UBAP2L: variants seen among roughly 807,000 people sequenced by gnomAD.
The protein encoded by UBAP2L is ubiquitin-associated protein 2-like.
In UBAP2L, 12 loss-of-function variants were observed where a neutral mutation model predicts 130.6. That is an observed-to-expected ratio of 0.09 (90% CI 0.06 to 0.15). UBAP2L has a LOEUF of 0.15. Among genes scored for constraint, UBAP2L ranks in the 10% least tolerant of loss-of-function variants. The pLI is 1.00. For missense variants in UBAP2L, 965 were observed against 1,332.5 expected, an observed-to-expected ratio of 0.72 and a Z score of 4.29; for synonymous variants, 503 against 524.7, an observed-to-expected ratio of 0.96 and a Z score of 0.57.
intron 18 of UBAP2L, among the ~76,000 whole-genome samples, chr1:154,256,204 T>A (rs1279132730): frequency 6.6e-6 from 1 of 152,218 alleles, no homozygotes; most frequent in African/African-American, 2.4e-5. Context: ...TTGTAACAAC[T>A]ATTAATAGAA....
At chr1:154,265,542 A>G (rs1368000974) in intron 24 of UBAP2L, among the ~76,000 whole-genome samples, 1 of 152,226 alleles carries the variant, frequency 6.6e-6, no homozygotes, top group Admixed American at 6.5e-5. Context: ...AAAGTATAAA[A>G]GATGTTAGGT....
intron 25 of UBAP2L, among the ~76,000 whole-genome samples, chr1:154,267,144 CCAA>C (rs1358223119): frequency 6.7e-6 from 1 of 150,216 alleles, no homozygotes; most frequent in Non-Finnish European, 1.5e-5. Flanking sequence ...TTTGAAATAT[CCAA>C]CGAGTTTTTT....
chr1:154,242,926 T>G, intron 9 of UBAP2L: 1 of 190,332 alleles, frequency 5.3e-6, no homozygotes, highest in Non-Finnish European at 1.1e-5. Flanking sequence ...GGATTTTCTT[T>G]CTTTTATTTT....
At chr1:154,266,705 A>C (rs971764446) in intron 25 of UBAP2L, 137 bp downstream of exon 25, 1 of 899,146 alleles carries the variant, frequency 1.1e-6, no homozygotes, top group Non-Finnish European at 1.8e-6. Flanking sequence ...TCTAAATGAA[A>C]GGTCTTCTCT....
intron 8 of UBAP2L, 117 bp from the exon 9 acceptor site, chr1:154,241,396 A>G: frequency 1.1e-6 from 1 of 922,854 alleles, no homozygotes; most frequent in Non-Finnish European, 1.7e-6. Flanking sequence ...CCTTCTGATT[A>G]CTAAATTTTA....
chr1:154,267,713 C>T (rs1014550450), intron 25 of UBAP2L, among the ~76,000 whole-genome samples: 4 of 151,472 alleles, frequency 2.6e-5, no homozygotes, highest in African/African-American at 4.8e-5. Flanking sequence ...AGGCTCGTCT[C>T]GAACTCCTGG....
chr1:154,241,980 G>A (rs537835367), intron 9 of UBAP2L, among the ~76,000 whole-genome samples: 23 of 152,322 alleles, frequency 1.5e-4, no homozygotes, highest in African/African-American at 5.5e-4. Flanking sequence ...TCCAAAGCGA[G>A]TGTTGTGGTA....
intron 14 of UBAP2L, 76 bp downstream of exon 14, chr1:154,251,729 C>T: frequency 6.4e-7 from 1 of 1,555,624 alleles, no homozygotes. Context: ...ATTTCTAGAA[C>T]TCTGGAGAGG....
chr1:154,225,752 C>T (rs1055647102), intron 2 of UBAP2L, among the ~76,000 whole-genome samples: 5 of 152,136 alleles, frequency 3.3e-5, no homozygotes, highest in Admixed American at 1.3e-4. Flanking sequence ...ATAGCATTTC[C>T]CTTCTCTTAC....
At chr1:154,235,522 T>C (rs1671370794) in intron 6 of UBAP2L, among the ~76,000 whole-genome samples, 1 of 152,022 alleles carries the variant, frequency 6.6e-6, no homozygotes, top group African/African-American at 2.4e-5. Context: ...CTGGCTAATT[T>C]TTTTTGAGAT....
intron 24 of UBAP2L, among the ~76,000 whole-genome samples, chr1:154,264,776 A>G (rs752330391): frequency 8.6e-5 from 13 of 151,804 alleles, no homozygotes; most frequent in Non-Finnish European, 8.8e-5. Context: ...TTGCCTTTGC[A>G]GTAAAGATAA....
At position 154,255,116 on chromosome 1, in the gene UBAP2L, T is replaced by C. The variant is rs777389440; in HGVS notation, c.1910-36T>C. ...ACCTCTCTATAGACATTCCCTTTTT[T>C]CTGATGAGAGGAATTCCTTTCTTCT... On this transcript the variant is annotated intron_variant, in intron 16 of 26. Coordinates refer to ENST00000428931, the MANE Select transcript of UBAP2L (RefSeq NM_014847.4). 8.8e-5 allele frequency: 141 copies of C among 1,608,748 alleles called. 1 individual carries two copies. Among genetic ancestry groups the C allele is most frequent in the Middle Eastern group, 3.3e-4 (2 of 6,064 alleles).
intron 24 of UBAP2L, among the ~76,000 whole-genome samples, chr1:154,264,050 T>C (rs1306221526): frequency 1.3e-5 from 2 of 152,162 alleles, no homozygotes; most frequent in East Asian, 3.8e-4. Flanking sequence ...CAGTTTTGCA[T>C]TTGTGGGTAT....
At chr1:154,263,491 AT>A (rs1682271915) in intron 24 of UBAP2L, 1 of 1,086,220 alleles carries the variant, frequency 9.2e-7, no homozygotes, top group African/African-American at 1.7e-5. Context: ...AAACTGTGGT[AT>A]TTCTTTAGCT....
chr1:154,254,734 C>T (rs1439612855), intron 15 of UBAP2L, 102 bp from the exon 16 acceptor site: 2 of 1,271,846 alleles, frequency 1.6e-6, no homozygotes, highest in African/African-American at 1.5e-5. Context: ...AGAGTTTCTC[C>T]TAAAGATTTG....
intron 24 of UBAP2L, among the ~76,000 whole-genome samples, chr1:154,265,990 TGA>T (rs1188893428): frequency 1.3e-5 from 2 of 152,186 alleles, no homozygotes; most frequent in Non-Finnish European, 2.9e-5. Context: ...GCTCTGAGAA[TGA>T]GAGTGCCCTT....
chr1:154,237,166 T>A, intron 8 of UBAP2L, 30 bp downstream of exon 8: 1 of 1,568,196 alleles, frequency 6.4e-7, no homozygotes, highest in Non-Finnish European at 8.8e-7. Flanking sequence ...TCATTTCTTG[T>A]CTCTGGGAAT....
chr1:154,248,113 G>A lies in UBAP2L; in HGVS notation c.1015-1126G>A, dbSNP rs1030995487. Among the ~76,000 whole-genome samples, 8 of 152,028 alleles carry A rather than the reference G, an allele frequency of 5.3e-5. No homozygotes were observed. In the East Asian group the frequency reaches 1.4e-3, roughly 26 times the overall value. On this transcript the variant is annotated intron_variant, in intron 11 of 26. Transcript: ENST00000428931. ...CTCCTGAGTAGCTGGGGTTACAGGCGCCCGCCACCACGCTTGGCTAATTTT... is the reference window on the plus strand; with the variant it reads ...CTCCTGAGTAGCTGGGGTTACAGGCACCCGCCACCACGCTTGGCTAATTTT...
chr1:154,251,962 C>T (rs1044183380), intron 14 of UBAP2L, among the ~76,000 whole-genome samples: 8 of 151,986 alleles, frequency 5.3e-5, no homozygotes, highest in African/African-American at 1.9e-4. Flanking sequence ...CATAATGAGT[C>T]CCTGTCTCTA....
Sources: allele counts gnomAD v4.1 joint callset (sites outside exome capture counted in the v4.1 genomes callset), GRCh38; gene constraint gnomAD v4.1.1; transcripts MANE v1.5; gene names NCBI Gene and HGNC (gene_info 2026-07-23, HGNC 2026-07-21).